The following DIS3L2 variants were observed in gnomAD, a reference collection of about 807,000 sequenced individuals.
The protein encoded by DIS3L2 is DIS3-like exonuclease 2.
In DIS3L2, 34 loss-of-function variants were observed where a neutral mutation model predicts 97.5. The observed-to-expected ratio is 0.35, with a 90% CI of 0.27 to 0.46. The LOEUF is 0.46. Among genes scored for constraint, DIS3L2 ranks in the 20% least tolerant of loss-of-function variants. The probability of loss-of-function intolerance (pLI) is 1.00; values close to 1 mark genes in which losing one functional copy is unlikely to be tolerated. For synonymous variants in DIS3L2, 435 were observed against 445.2 expected (o/e 0.98, Z 0.29); for missense variants, 1,038 against 1,146.0 (o/e 0.91, Z 1.36).
chr2:232,241,026 G>A (rs1693065447), intron 11 of DIS3L2, among the ~76,000 whole-genome samples: 2 of 152,188 alleles, frequency 1.3e-5, no homozygotes, highest in South Asian at 4.1e-4. Context: ...GAGCTGGGTG[G>A]AGGAAGGGCC....
At chr2:232,055,127 A>C (rs1695509254) in intron 5 of DIS3L2, among the ~76,000 whole-genome samples, 1 of 152,234 alleles carries the variant, frequency 6.6e-6, no homozygotes, top group Non-Finnish European at 1.5e-5. Context: ...GCCGACAGTA[A>C]ACATCATAGC....
At chr2:232,099,368 A>G (rs1447652136) in intron 6 of DIS3L2, among the ~76,000 whole-genome samples, 1 of 152,090 alleles carries the variant, frequency 6.6e-6, no homozygotes, top group Admixed American at 6.6e-5. Flanking sequence ...GATGTACACC[A>G]TCACACCCAG....
intron 13 of DIS3L2, among the ~76,000 whole-genome samples, chr2:232,270,075 C>T (rs954590857): frequency 6.6e-6 from 1 of 152,052 alleles, no homozygotes; most frequent in Non-Finnish European, 1.5e-5. Flanking sequence ...GGCTAGGGAT[C>T]AGGGAATCAG....
chr2:232,131,058 A>C (rs1698203038), intron 7 of DIS3L2: 1 of 228,928 alleles, frequency 4.4e-6, no homozygotes, highest in Admixed American at 5.7e-5. Flanking sequence ...AAGCAGTATG[A>C]ATATAGACTC....
chr2:231,997,551 C>T (rs761082228), intron 1 of DIS3L2, among the ~76,000 whole-genome samples: 1 of 152,110 alleles, frequency 6.6e-6, no homozygotes, highest in Non-Finnish European at 1.5e-5. Context: ...ATTTGTATTC[C>T]ATGTTAGGGG....
chr2:232,072,618 G>C, intron 5 of DIS3L2, among the ~76,000 whole-genome samples: 1 of 152,126 alleles, frequency 6.6e-6, no homozygotes, highest in South Asian at 2.1e-4. Flanking sequence ...TGTTTCATAG[G>C]CTCACTCTGT....
chr2:232,335,711 G>T, intron 19 of DIS3L2, 62 bp from the exon 20 acceptor site: 1 of 1,512,872 alleles, frequency 6.6e-7, no homozygotes. Context: ...AAGCCCTCCA[G>T]GGTGGAAGGG....
chr2:232,033,315 T>G (rs1574826523), intron 5 of DIS3L2, among the ~76,000 whole-genome samples: 2 of 152,342 alleles, frequency 1.3e-5, no homozygotes, highest in East Asian at 3.9e-4. Context: ...TTTTGCACAT[T>G]AATTTTGTAT....
chr2:231,986,220 C>G (rs1693409895), intron 1 of DIS3L2, among the ~76,000 whole-genome samples: 1 of 152,150 alleles, frequency 6.6e-6, no homozygotes, highest in African/African-American at 2.4e-5. Flanking sequence ...TTCTTTCTTC[C>G]TCAGCTTGCA....
chr2:232,245,313 A>G (rs1176834353), intron 11 of DIS3L2, among the ~76,000 whole-genome samples: 1 of 152,158 alleles, frequency 6.6e-6, no homozygotes, highest in African/African-American at 2.4e-5. Flanking sequence ...TCTCCCCCTG[A>G]CATAATGGGA....
intron 9 of DIS3L2, among the ~76,000 whole-genome samples, chr2:232,176,127 C>A (rs951986816): frequency 6.6e-6 from 1 of 152,060 alleles, no homozygotes; most frequent in Non-Finnish European, 1.5e-5. Context: ...CTGACCTCAA[C>A]TGATCCACCC....
At chr2:232,336,293 A>G (rs751608929) in intron 20 of DIS3L2, 176 bp from the exon 21 acceptor site, 10 of 1,546,272 alleles carry the variant, frequency 6.5e-6, no homozygotes, top group South Asian at 3.6e-5. Context: ...TGACTCCCCA[A>G]CTCTGCCCTG....
intron 10 of DIS3L2, among the ~76,000 whole-genome samples, chr2:232,231,272 A>G (rs1486610355): frequency 2.0e-5 from 3 of 152,210 alleles, no homozygotes; most frequent in African/African-American, 7.2e-5. Flanking sequence ...GATTGAATGA[A>G]TGAAGATGGT....
At chr2:232,136,420 G>A in intron 7 of DIS3L2, 52 bp from the exon 8 acceptor site, 2 of 1,600,028 alleles carry the variant, frequency 1.2e-6, no homozygotes, top group South Asian at 2.2e-5. Flanking sequence ...TCTCCCAAGT[G>A]TAATTCAGTT....
intron 14 of DIS3L2, among the ~76,000 whole-genome samples, chr2:232,317,475 T>C (rs533064605): frequency 2.0e-5 from 3 of 152,294 alleles, no homozygotes; most frequent in Admixed American, 2.0e-4. Flanking sequence ...CTCACTCTGT[T>C]GCCCAGGCTG....
intron 5 of DIS3L2, among the ~76,000 whole-genome samples, chr2:232,086,852 T>A (rs925387861): frequency 1.3e-5 from 2 of 150,974 alleles, no homozygotes; most frequent in African/African-American, 4.9e-5. Context: ...GCTAATTTTT[T>A]TATATTTTTA....
chr2:232,329,785 T>TCCCGGGGGCCAC, intron 14 of DIS3L2, 28 bp from the exon 15 acceptor site: 1 of 967,142 alleles, frequency 1.0e-6, no homozygotes, highest in Non-Finnish European at 1.5e-6. Flanking sequence ...ACCCCAGCGG[T>TCCCGGGGGCCAC]CCCTCCCATC....
chr2:232,299,061 G>A (rs1694793513), intron 13 of DIS3L2, among the ~76,000 whole-genome samples: 2 of 152,252 alleles, frequency 1.3e-5, no homozygotes, highest in South Asian at 4.1e-4. Flanking sequence ...TCAGCCACCT[G>A]ACTGGTGATT....
In DIS3L2 at chr2:232,276,177, G is replaced by A. The variant is rs1477512030; in HGVS notation, c.1659+12737G>A. Among the ~76,000 whole-genome samples, 1 of 152,222 alleles carries A rather than the reference G, an allele frequency of 6.6e-6. No individual in the cohort carries two copies. The highest frequency in any genetic ancestry group is 1.5e-5 in the Non-Finnish European group (1 of 68,038). Reference sequence around the variant, plus strand: ...GGTAGCCTCCTAAATAAGAAGATGTGCTAATGAATAGCAGAGTCTACTGGT... The same window carrying A: ...GGTAGCCTCCTAAATAAGAAGATGTACTAATGAATAGCAGAGTCTACTGGT... On this transcript the variant is annotated intron_variant, in intron 13 of 20. Coordinates refer to ENST00000325385, the MANE Select transcript of DIS3L2 (RefSeq NM_152383.5). The surrounding 1 kb of genome is among the most constrained non-coding windows in gnomAD (Gnocchi z 4.4).
Sources: gnomAD v4.1 joint callset for allele counts (sites outside exome capture counted in the v4.1 genomes callset) on GRCh38, gnomAD v4.1.1 for gene constraint, Gnocchi (gnomAD v3.1) non-coding constraint, MANE v1.5 for transcripts, NCBI Gene and HGNC (gene_info 2026-07-23, HGNC 2026-07-21) for gene names.